Variants in SEMA3A observed in about 807,000 individuals in gnomAD.
SEMA3A encodes the protein semaphorin 3A.
Under a neutral mutation model 97.9 loss-of-function variants are expected in SEMA3A, and 29 were observed. The ratio of observed to expected loss-of-function variants is 0.30; its 90% CI spans 0.22 to 0.40. SEMA3A has a LOEUF of 0.40. SEMA3A is among the 10% of genes least tolerant of loss of function. The probability of loss-of-function intolerance (pLI) is 1.00; values close to 1 mark genes in which losing one functional copy is unlikely to be tolerated. For missense variants in SEMA3A, 763 were observed against 951.3 expected, an observed-to-expected ratio of 0.80 and a Z score of 2.60; for synonymous variants, 321 against 323.7, an observed-to-expected ratio of 0.99 and a Z score of 0.09.
intron 3 of SEMA3A, among the ~76,000 whole-genome samples, chr7:84,270,856 C>T (rs1040207903): frequency 6.6e-6 from 1 of 151,618 alleles, no homozygotes; most frequent in Non-Finnish European, 1.5e-5. Flanking sequence ...AGCAATTGTG[C>T]TTCTCAAGTT....
rs188900113 is a variant in SEMA3A at position 84,077,731 on chromosome 7, C to T, written c.454-17173G>A. 4.6e-5 allele frequency among the ~76,000 whole-genome samples: 7 copies of T among 151,826 alleles called. No individual in the cohort carries two copies. In the East Asian group the frequency reaches 9.7e-4, roughly 21 times the overall value. ...AAGAGACAATTCTGTCAATTCTTAG[C>T]GATAATGCACATTTTAGAGAATAAT... On this transcript the variant is annotated intron_variant, in intron 4 of 16. Transcript: ENST00000265362.
chr7:84,307,000 T>G (rs548291054), intron 3 of SEMA3A, among the ~76,000 whole-genome samples: 73 of 152,190 alleles, frequency 4.8e-4, no homozygotes, highest in African/African-American at 1.6e-3. Flanking sequence ...CAAATGGCAA[T>G]TCCTACAAAC....
intron 3 of SEMA3A, among the ~76,000 whole-genome samples, chr7:84,270,383 A>G (rs544148804): frequency 6.6e-6 from 1 of 152,044 alleles, no homozygotes; most frequent in East Asian, 1.9e-4. Flanking sequence ...GGAGTGAATG[A>G]AGTTGAAAAT....
intron 1 of SEMA3A, among the ~76,000 whole-genome samples, chr7:84,412,036 T>C (rs1041862671): frequency 5.3e-5 from 8 of 152,294 alleles, no homozygotes; most frequent in Admixed American, 2.0e-4. Flanking sequence ...AAGACACCTA[T>C]AGTGACTTTT....
intron 2 of SEMA3A, among the ~76,000 whole-genome samples, chr7:84,321,396 CA>C (rs1361413870): frequency 2.0e-5 from 3 of 152,078 alleles, no homozygotes; most frequent in Non-Finnish European, 2.9e-5. Context: ...AACAGAGACT[CA>C]ATATAACACA....
chr7:84,477,258 G>A (rs1806314469), intron 1 of SEMA3A, among the ~76,000 whole-genome samples: 1 of 150,276 alleles, frequency 6.7e-6, no homozygotes, highest in Non-Finnish European at 1.5e-5. Context: ...CCAATATGGT[G>A]AAACTCCGTC....
At chr7:84,431,243 T>C (rs1417834301) in intron 1 of SEMA3A, among the ~76,000 whole-genome samples, 2 of 152,048 alleles carry the variant, frequency 1.3e-5, no homozygotes, top group African/African-American at 4.8e-5. Context: ...CAATTATATT[T>C]CAAGTCTGAG....
intron 2 of SEMA3A, among the ~76,000 whole-genome samples, chr7:84,324,482 A>C (rs1801726793): frequency 6.6e-6 from 1 of 152,202 alleles, no homozygotes. Context: ...ATGAACAAAA[A>C]CAAGATTGTC....
At chr7:84,005,222 T>C (rs1790616513) in intron 11 of SEMA3A, 117 bp downstream of exon 11, 2 of 720,568 alleles carry the variant, frequency 2.8e-6, no homozygotes, top group Non-Finnish European at 4.8e-6. Flanking sequence ...TAGTTATATG[T>C]GGATTTTCAA....
intron 3 of SEMA3A, among the ~76,000 whole-genome samples, chr7:84,224,488 TG>T (rs2116342865): frequency 6.6e-6 from 1 of 152,170 alleles, no homozygotes; most frequent in Non-Finnish European, 1.5e-5. Flanking sequence ...CTTAATTTTT[TG>T]CTCTATTTAT....
Position 84,228,301 on chromosome 7 carries a change from C to T in SEMA3A, c.-82-33633G>A, listed in dbSNP as rs17158743. On this transcript the variant is annotated intron_variant, in intron 3 of 3. Transcript: ENST00000424555. ...CAAAATTAGTGGGACCTTAAGGAGG[C>T]TACAAATACCGTACCCCATCACACA... Among the ~76,000 whole-genome samples, 1,944 of 152,146 alleles carry T rather than the reference C, an allele frequency of 0.013. 64 individuals are homozygous for T. The East Asian group carries it at 0.15, about 11-fold the overall frequency.
intron 4 of SEMA3A, among the ~76,000 whole-genome samples, chr7:84,064,884 A>G (rs1793415087): frequency 6.6e-6 from 1 of 152,132 alleles, no homozygotes; most frequent in African/African-American, 2.4e-5. Context: ...CAACAAGGAT[A>G]CCCAGGAATT....
intron 2 of SEMA3A, among the ~76,000 whole-genome samples, chr7:84,352,725 G>A (rs867171970): frequency 1.3e-5 from 2 of 151,676 alleles, no homozygotes; most frequent in Non-Finnish European, 3.0e-5. Context: ...ACAGTGTAGG[G>A]GAAAAGAAAG....
At chr7:84,390,172 A>G (rs78728958) in intron 1 of SEMA3A, among the ~76,000 whole-genome samples, 3,969 of 152,080 alleles carry the variant, frequency 0.026, 159 homozygotes, top group African/African-American at 0.089. Context: ...GTTTTGGGAC[A>G]CTTTATATTC....
At chr7:84,456,839 C>A (rs1805699379) in intron 1 of SEMA3A, among the ~76,000 whole-genome samples, 1 of 151,530 alleles carries the variant, frequency 6.6e-6, no homozygotes. Flanking sequence ...TAAAAAGACC[C>A]TTTTAACCTT....
chr7:84,135,064 T>C, intron 1 of SEMA3A, 113 bp from the exon 2 acceptor site: 1 of 744,516 alleles, frequency 1.3e-6, no homozygotes, highest in Non-Finnish European at 2.1e-6. Flanking sequence ...CAATCAGTGC[T>C]TATTCTTCAG....
At chr7:84,453,314 C>A (rs1167858183) in intron 1 of SEMA3A, among the ~76,000 whole-genome samples, 1 of 150,740 alleles carries the variant, frequency 6.6e-6, no homozygotes, top group East Asian at 2.0e-4. Flanking sequence ...CGGCTCACTG[C>A]AGGCTCCGCC....
chr7:84,150,276 C>A (rs1157122749), intron 1 of SEMA3A, among the ~76,000 whole-genome samples: 6 of 152,182 alleles, frequency 3.9e-5, no homozygotes, highest in African/African-American at 1.4e-4. Context: ...TCTACAGCTC[C>A]CAGCGTGAGC....
intron 12 of SEMA3A, among the ~76,000 whole-genome samples, chr7:83,995,846 A>G (rs1239258423): frequency 1.3e-5 from 2 of 152,322 alleles, no homozygotes; most frequent in South Asian, 2.1e-4. Flanking sequence ...GACATAGCCT[A>G]TTGGAGGCTA....
Sources: allele counts gnomAD v4.1 joint callset (sites outside exome capture counted in the v4.1 genomes callset), GRCh38; gene constraint gnomAD v4.1.1; transcripts MANE v1.5; gene names NCBI Gene and HGNC (gene_info 2026-07-23, HGNC 2026-07-21).